Variants in ULK1 observed in about 807,000 individuals in gnomAD.
ULK1 encodes the protein unc-51 like autophagy activating kinase 1, also known as serine/threonine-protein kinase ULK1.
In ULK1, 48 loss-of-function variants were observed where a neutral mutation model predicts 117.5. That is an observed-to-expected ratio of 0.41 (90% CI 0.32 to 0.52). ULK1 has a LOEUF of 0.52. ULK1 is among the 20% of genes least tolerant of loss of function. ULK1 has a pLI of 0.29. For missense variants in ULK1, 1,387 were observed against 1,473.4 expected (o/e 0.94, Z 0.96); for synonymous variants, 790 against 637.8 (o/e 1.24, Z -3.60).
At chr12:131,910,403 G>T in intron 11 of ULK1, 99 bp downstream of exon 11, 2 of 1,541,202 alleles carry the variant, frequency 1.3e-6, no homozygotes, top group Non-Finnish European at 1.8e-6. Flanking sequence ...GAGGGAGCAG[G>T]TCTTGAGCTG....
Position 131,911,947 on chromosome 12 carries a change from G to A in ULK1, c.954G>A (p.Leu318=). ...STSHLASPPS[L]GEMQQLQKTL... is the part of the protein sequence containing the mutation. ...GCCCCTCCGTTGACTCTCAGTCCCTGGGCGAGATGCAGCAGCTGCAGAAGA... is the reference window on the plus strand; with the variant it reads ...GCCCCTCCGTTGACTCTCAGTCCCTAGGCGAGATGCAGCAGCTGCAGAAGA... Residue 318 remains leucine, a synonymous_variant, in exon 13 of 28, where the codon CTG becomes CTA. Coordinates refer to ENST00000321867, the MANE Select transcript of ULK1 (RefSeq NM_003565.4). 1 of 1,612,840 alleles carries A rather than the reference G, an allele frequency of 6.2e-7. No homozygotes were observed. Among genetic ancestry groups the A allele is most frequent in the Admixed American group, 1.7e-5 (1 of 60,026 alleles).
In ULK1 at chr12:131,894,992, C is replaced by G; in HGVS notation, c.-10C>G. ...CACCCCCCGCCCCGCGCCCCCGGCC[C>G]GCCTGCGCCATGGAGCCCGGCCGCG... On this transcript the variant is annotated 5_prime_UTR_variant, in exon 1 of 28. Coordinates refer to ENST00000321867, the MANE Select transcript of ULK1 (RefSeq NM_003565.4). The G allele has an allele frequency of 6.9e-7, 1 of 1,443,078 alleles. No homozygotes were observed. The allele number at this position is 1,443,078 out of a possible 1,614,324, so 89.4% of individuals were successfully genotyped here. A position where few individuals can be genotyped will look rare whatever the true frequency, so the allele number is the denominator to read the frequency against.
At position 131,923,038 on chromosome 12, in the gene ULK1, C is replaced by G. The variant is rs538601334; in HGVS notation, c.*1677C>G. The G allele has an allele frequency of 1.3e-5, 2 of 152,278 alleles. No homozygotes were observed. The highest frequency in any genetic ancestry group is 4.8e-5 in the African/African-American group (2 of 41,452). 9.4% of individuals were successfully genotyped at this position (152,278 alleles called of 1,614,324 possible). ...CAACTGCTGCCCCTGGTTGAATGTT[C>G]TCTTGATAGTGCTGGACCCTTTGTC... is the stretch of plus-strand genomic sequence containing the variant. On this transcript the variant is annotated 3_prime_UTR_variant, in exon 28 of 28. Transcript: ENST00000321867.
At chr12:131,919,190 C>A (rs775441822) in intron 23 of ULK1, 22 bp from the exon 24 acceptor site, 4 of 1,580,644 alleles carry the variant, frequency 2.5e-6, no homozygotes, top group Non-Finnish European at 2.6e-6. Context: ...GCACTTGCCG[C>A]CCTGACGGCC....
intron 20 of ULK1, 29 bp downstream of exon 20, chr12:131,916,620 G>T: frequency 6.6e-7 from 1 of 1,521,538 alleles, no homozygotes; most frequent in Non-Finnish European, 8.8e-7. Flanking sequence ...CCTTGGACGG[G>T]CTTCTGAGGG....
At position 131,916,988 on chromosome 12, in the gene ULK1, T is replaced by A; in HGVS notation, c.2108T>A (p.Leu703His). 1 of 1,609,446 alleles carries A rather than the reference T, an allele frequency of 6.2e-7. No individual in the cohort carries two copies. The highest frequency in any genetic ancestry group is 2.2e-5 in the East Asian group (1 of 44,686). The change falls in exon 21 of 28, where the codon CTT becomes CAT. Residue 703 changes from leucine (L) to histidine (H), a missense_variant. This residue lies in a region of ULK1 where 900 missense variants were observed against 858.9 expected (regional missense o/e 1.05). Coordinates refer to ENST00000321867, the MANE Select transcript of ULK1 (RefSeq NM_003565.4). ...ACCAGCCGCCTCACTGACCTGCTCC[T>A]TAAGGCGGCGTTTGGGACACAAGCC... ...FSTSRLTDLL[L>H]KAAFGTQAPD...
rs759654957 is a variant in ULK1 at position 131,920,093 on chromosome 12, G to A, written c.2918G>A (p.Ser973Asn). 2 of 1,612,836 alleles carry A rather than the reference G, an allele frequency of 1.2e-6. No homozygotes were observed. The highest frequency in any genetic ancestry group is 1.1e-5 in the South Asian group (1 of 91,088). ...DKQRLLDRIH[S>N]ITAERLIFSH... ...CAGCGGCTCCTGGACCGCATTCACA[G>A]CATCACTGCCGAGAGGCTCATCTTC... Residue 973 changes from serine to asparagine, a missense_variant, in exon 26 of 28, where the codon AGC (serine) becomes AAC (asparagine). Physicochemically the swap from Ser to Asn is conservative, Grantham distance 46 (BLOSUM62 1). Transcript: ENST00000321867.
At chr12:131,895,915 C>T (rs1160534566) in intron 3 of ULK1, 91 bp downstream of exon 3, 2 of 1,543,322 alleles carry the variant, frequency 1.3e-6, no homozygotes, top group East Asian at 2.3e-5. Context: ...GGTGTTGAGC[C>T]TGTCCAGGCT....
chr12:131,906,723 C>CACCTACAA lies in ULK1; in HGVS notation c.247-167_247-160dup. On this transcript the variant is annotated intron_variant, in intron 3 of 27. Transcript: ENST00000321867. ...GGCTGGCCACAAAACAGAACACACC[C>CACCTACAA]ACCTACAAAGCACGTGGCCCAGAGA... is the stretch of plus-strand genomic sequence containing the variant. The CACCTACAA allele has an allele frequency of 6.5e-6, 5 of 766,950 alleles. No individual in the cohort carries two copies. The South Asian group carries it at 8.0e-5, about 12-fold the overall frequency. The allele number at this position is 766,950 out of a possible 1,614,324, so 47.5% of individuals were successfully genotyped here. A position where few individuals can be genotyped will look rare whatever the true frequency, so the allele number is the denominator to read the frequency against.
rs893325932 is a variant in ULK1 at position 131,902,230 on chromosome 12, C to T, written c.247-4662C>T. On this transcript the variant is annotated intron_variant, in intron 3 of 27. Coordinates refer to ENST00000321867, the MANE Select transcript of ULK1 (RefSeq NM_003565.4). The surrounding 1 kb of genome is among the most constrained non-coding windows in gnomAD (Gnocchi z 6.3). ...GGGGTGCAGAGTGGTTCTGTCCAGC[C>T]ACAGCTGTGGCTTTTGCCACTTTCC... Among the ~76,000 whole-genome samples, 15 of 152,302 alleles carry T rather than the reference C, an allele frequency of 9.8e-5. No individual in the cohort carries two copies. Among genetic ancestry groups the T allele is most frequent in the African/African-American group, 3.6e-4 (15 of 41,562 alleles).
rs1406310651 is a variant in ULK1, at chr12:131,922,913, T to A, written c.*1552T>A. Reference sequence around the variant, plus strand: ...CTTCATGGCCGACTGGAATCCTGAGTCCTGGGAAGCTGGCACTGCGGGGAT... The same window carrying A: ...CTTCATGGCCGACTGGAATCCTGAGACCTGGGAAGCTGGCACTGCGGGGAT... On this transcript the variant is annotated 3_prime_UTR_variant, in exon 28 of 28. Coordinates refer to ENST00000321867, the MANE Select transcript of ULK1 (RefSeq NM_003565.4). The A allele has an allele frequency of 2.6e-5, 4 of 152,386 alleles. No homozygotes were observed. Among genetic ancestry groups the A allele is most frequent in the African/African-American group, 9.7e-5 (4 of 41,428 alleles). The allele number at this position is 152,386 out of a possible 1,614,324, so 9.4% of individuals were successfully genotyped here. A position where few individuals can be genotyped will look rare whatever the true frequency, so the allele number is the denominator to read the frequency against.
rs1889140470 is a variant in ULK1 at position 131,902,862 on chromosome 12, C to CT, written c.247-4027dup. On this transcript the variant is annotated intron_variant, in intron 3 of 27. Transcript: ENST00000321867. The surrounding 1 kb of genome is among the most constrained non-coding windows in gnomAD (Gnocchi z 6.3). The stretch of plus-strand genomic sequence containing the variant: ...GGAGCCCAGGGAGGCAGTTGTGGCC[C>CT]TTTCTGGTGTCTTAACTGGGTGACT... Among the ~76,000 whole-genome samples, 1 of 152,148 alleles carries CT rather than the reference C, an allele frequency of 6.6e-6. No homozygotes were observed. The highest frequency in any genetic ancestry group is 1.5e-5 in the Non-Finnish European group (1 of 68,016).
intron 4 of ULK1, 117 bp from the exon 5 acceptor site, chr12:131,907,378 C>T (rs983316611): frequency 1.5e-6 from 2 of 1,327,160 alleles, no homozygotes; most frequent in Non-Finnish European, 1.0e-6. Flanking sequence ...CTGGGCTGGG[C>T]AGGTGCCTGC....
At chr12:131,912,695 G>A (rs552085647) in intron 13 of ULK1, among the ~76,000 whole-genome samples, 3 of 152,260 alleles carry the variant, frequency 2.0e-5, no homozygotes, top group Non-Finnish European at 2.9e-5. Context: ...TGGCTTCTGC[G>A]GGGGTGGTGA....
chr12:131,895,702 G>A lies in ULK1; in HGVS notation c.204+9G>A. Reference sequence around the variant, plus strand: ...AAATCAAAATCCTGAAGGTGAGCCAGTGCTGGGGGAGGGGGCGTGGGCGTG... The same window carrying A: ...AAATCAAAATCCTGAAGGTGAGCCAATGCTGGGGGAGGGGGCGTGGGCGTG... On this transcript the variant is annotated intron_variant, in intron 2 of 27. Transcript: ENST00000321867. 6.2e-7 allele frequency: 1 copy of A among 1,614,184 alleles called. No homozygotes were observed. Among genetic ancestry groups the A allele is most frequent in the Admixed American group, 1.7e-5 (1 of 60,030 alleles).
In ULK1 at chr12:131,912,092, CAG is replaced by C. The variant is rs775917781; in HGVS notation, c.1096+4_1096+5del. The C allele has an allele frequency of 2.2e-5, 35 of 1,610,344 alleles. 1 individual carries two copies. Among genetic ancestry groups the C allele is most frequent in the African/African-American group, 2.0e-4 (15 of 74,908 alleles). ...CATGGTCCCCGCGCAGTTTCCAGGT[CAG>C]GGGGCACGCTGGGCTTGGAGGTGAC... On this transcript the variant is annotated splice_donor_5th_base_variant and intron_variant, in intron 13 of 27. Transcript: ENST00000321867.
At chr12:131,916,672 G>T in intron 20 of ULK1, 81 bp downstream of exon 20, 2 of 1,409,892 alleles carry the variant, frequency 1.4e-6, no homozygotes, top group African/African-American at 2.9e-5. Flanking sequence ...GTACTTCTGG[G>T]GGGTAGAACA....
rs142686166 is a variant in ULK1, at chr12:131,903,211, C to T, written c.247-3681C>T. 6.3e-3 allele frequency among the ~76,000 whole-genome samples: 957 copies of T among 152,306 alleles called. 3 individuals carry two copies. The highest frequency in any genetic ancestry group is 7.8e-3 in the Admixed American group (119 of 15,304). ...GCTGCCCTGGAGGAGCTCCCCCAGC[C>T]CTGGCAGAGGTGGTCCTGGGCTTGT... On this transcript the variant is annotated intron_variant, in intron 3 of 27. Coordinates refer to ENST00000321867, the MANE Select transcript of ULK1 (RefSeq NM_003565.4). The surrounding 1 kb of genome is among the most constrained non-coding windows in gnomAD (Gnocchi z 6.0).
At chr12:131,916,720 G>A in intron 20 of ULK1, 129 bp downstream of exon 20, 1 of 1,260,064 alleles carries the variant, frequency 7.9e-7, no homozygotes, top group Non-Finnish European at 1.1e-6. Flanking sequence ...GGTGCCCAGT[G>A]TGGCTGGGTG....
Sources: allele counts gnomAD v4.1 joint callset (sites outside exome capture counted in the v4.1 genomes callset), GRCh38; gene constraint gnomAD v4.1.1; regional missense constraint gnomAD v4.1.1; non-coding constraint Gnocchi (gnomAD v3.1); transcripts MANE v1.5; gene names NCBI Gene and HGNC (gene_info 2026-07-23, HGNC 2026-07-21).